Variants in PSD3 observed in about 807,000 individuals in gnomAD.
The protein encoded by PSD3 is PH and SEC7 domain-containing protein 3.
Under a neutral mutation model 105.5 loss-of-function variants are expected in PSD3, and 49 were observed. That is an observed-to-expected ratio of 0.46 (90% CI 0.37 to 0.59). PSD3 has a LOEUF of 0.59. PSD3 is among the 20% of genes least tolerant of loss of function. PSD3 has a pLI of 0.00. For missense variants in PSD3, 1,561 were observed against 1,263.8 expected (o/e 1.24, Z -3.57); for synonymous variants, 557 against 457.8 (o/e 1.22, Z -2.77).
chr8:19,009,719 G>C (rs1038030573), intron 1 of PSD3, among the ~76,000 whole-genome samples: 6 of 152,194 alleles, frequency 3.9e-5, no homozygotes, highest in African/African-American at 1.4e-4. Context: ...ATGAAACCCC[G>C]TCTATACTAA....
At chr8:18,735,517 G>A (rs993120189) in intron 9 of PSD3, among the ~76,000 whole-genome samples, 10 of 152,076 alleles carry the variant, frequency 6.6e-5, no homozygotes, top group Non-Finnish European at 1.2e-4. Context: ...TTCTTTATTC[G>A]CCCTACAAAC....
At chr8:18,793,157 G>A (rs1809884353) in intron 8 of PSD3, among the ~76,000 whole-genome samples, 1 of 151,910 alleles carries the variant, frequency 6.6e-6, no homozygotes, top group South Asian at 2.1e-4. Flanking sequence ...GGGGAACATT[G>A]CACACCCCCT....
intron 10 of PSD3, among the ~76,000 whole-genome samples, chr8:18,653,555 G>A (rs553824307): frequency 7.9e-5 from 12 of 152,232 alleles, no homozygotes; most frequent in South Asian, 2.1e-4. Flanking sequence ...CAGTGAACCA[G>A]CTACTACATG....
chr8:18,709,589 C>G (rs1802120129), intron 9 of PSD3, among the ~76,000 whole-genome samples: 2 of 152,190 alleles, frequency 1.3e-5, no homozygotes, highest in African/African-American at 4.8e-5. Flanking sequence ...CAGCAGAGTT[C>G]TGGCTAGCAT....
chr8:18,901,773 A>T (rs965420395), intron 2 of PSD3, among the ~76,000 whole-genome samples: 5 of 152,140 alleles, frequency 3.3e-5, no homozygotes, highest in Non-Finnish European at 7.4e-5. Context: ...TTTCTCCCTC[A>T]TCTCTAAAGG....
intron 2 of PSD3, among the ~76,000 whole-genome samples, chr8:18,882,034 C>T (rs1220303119): frequency 2.6e-5 from 4 of 152,040 alleles, no homozygotes; most frequent in African/African-American, 9.7e-5. Flanking sequence ...CAGGGAGACC[C>T]CTCCTCTACA....
chr8:18,752,137 A>ACC lies in PSD3; in HGVS notation c.2172+13310_2172+13311dup, dbSNP rs538596341. ...CAGGAGGCGGAGGTTGCAGTGAGCA[A>ACC]CCATCTGAATATCTGATCATAGGTA... On this transcript the variant is annotated intron_variant, in intron 9 of 15. Transcript: ENST00000327040. Among the ~76,000 whole-genome samples, 35 of 151,978 alleles carry ACC rather than the reference A, an allele frequency of 2.3e-4. No homozygotes were observed. In the East Asian group the frequency reaches 6.4e-3, roughly 28 times the overall value.
chr8:18,860,390 C>G (rs1161122378), intron 4 of PSD3, among the ~76,000 whole-genome samples: 2 of 151,600 alleles, frequency 1.3e-5, no homozygotes, highest in Non-Finnish European at 2.9e-5. Context: ...AAAGTGAGCA[C>G]CTGTTATTGG....
intron 1 of PSD3, among the ~76,000 whole-genome samples, chr8:19,023,845 A>T (rs1827448951): frequency 6.6e-6 from 1 of 152,174 alleles, no homozygotes; most frequent in Non-Finnish European, 1.5e-5. Context: ...ATAAACGACA[A>T]ATGAAAGTTT....
At chr8:18,719,285 T>C (rs769827371) in intron 9 of PSD3, among the ~76,000 whole-genome samples, 11 of 152,192 alleles carry the variant, frequency 7.2e-5, no homozygotes, top group Non-Finnish European at 1.3e-4. Flanking sequence ...CATTCTGACC[T>C]TGACTTTTTA....
intron 9 of PSD3, among the ~76,000 whole-genome samples, chr8:18,763,591 A>T (rs1585882025): frequency 6.6e-6 from 1 of 152,278 alleles, no homozygotes; most frequent in East Asian, 1.9e-4. Flanking sequence ...ATAGAAAGCC[A>T]AAGAGAAAGT....
At chr8:18,801,183 T>G in intron 7 of PSD3, 87 bp downstream of exon 7, 1 of 779,532 alleles carries the variant, frequency 1.3e-6, no homozygotes, top group Non-Finnish European at 2.1e-6. Context: ...TGAAGATACA[T>G]AATTTCTCAC....
At chr8:18,856,263 T>C (rs145889363) in intron 4 of PSD3, among the ~76,000 whole-genome samples, 1 of 152,336 alleles carries the variant, frequency 6.6e-6, no homozygotes, top group East Asian at 1.9e-4. Flanking sequence ...CTCTGGGCTC[T>C]GCACTAGAGT....
intron 1 of PSD3, chr8:18,940,211 A>G (rs1206021764): frequency 6.6e-6 from 1 of 152,180 alleles, no homozygotes; most frequent in Non-Finnish European, 1.5e-5. Flanking sequence ...TGTTGCTGGT[A>G]CAGGAGCCAT....
intron 9 of PSD3, among the ~76,000 whole-genome samples, chr8:18,757,683 T>C (rs372647503): frequency 2.0e-5 from 3 of 152,324 alleles, no homozygotes; most frequent in East Asian, 3.9e-4. Context: ...ACATAGACAA[T>C]TGCGATTTTA....
chr8:18,952,362 G>A (rs1210988844), intron 1 of PSD3, among the ~76,000 whole-genome samples: 2 of 146,634 alleles, frequency 1.4e-5, no homozygotes, highest in African/African-American at 2.6e-5. Flanking sequence ...ACCTAAAAAC[G>A]GACTTGTTTC....
intron 9 of PSD3, among the ~76,000 whole-genome samples, chr8:18,744,290 C>G (rs999850277): frequency 6.6e-6 from 1 of 152,130 alleles, no homozygotes; most frequent in African/African-American, 2.4e-5. Flanking sequence ...GATGAGGAAG[C>G]TGATAGAGGA....
intron 1 of PSD3, among the ~76,000 whole-genome samples, chr8:19,056,978 A>T (rs1345573366): frequency 6.6e-6 from 1 of 152,080 alleles, no homozygotes; most frequent in Non-Finnish European, 1.5e-5. Flanking sequence ...TAAGGGTATG[A>T]ACTTTCATCT....
chr8:19,083,683 C>G (rs1287324211), intron 1 of PSD3, among the ~76,000 whole-genome samples: 1 of 152,208 alleles, frequency 6.6e-6, no homozygotes, highest in Admixed American at 6.5e-5. Flanking sequence ...GGAGCCTCCC[C>G]CATTGTTCCC....
Sources: allele counts gnomAD v4.1 joint callset (sites outside exome capture counted in the v4.1 genomes callset), GRCh38; gene constraint gnomAD v4.1.1; transcripts MANE v1.5; gene names NCBI Gene and HGNC (gene_info 2026-07-23, HGNC 2026-07-21).